MTMR14: variants seen among roughly 807,000 people sequenced by gnomAD.
MTMR14 encodes the protein myotubularin related protein 14.
MTMR14 carries 48 observed loss-of-function variants against 86.3 expected under a neutral mutation model. The ratio of observed to expected loss-of-function variants is 0.56; its 90% CI spans 0.44 to 0.71. The LOEUF is 0.71. Ranked by LOEUF, MTMR14 falls within the 30% of genes least tolerant of loss-of-function variation. The pLI is 0.00. For synonymous variants in MTMR14, 366 were observed against 326.1 expected (o/e 1.12, Z -1.32); for missense variants, 780 against 834.6 (o/e 0.93, Z 0.81).
At chr3:9,697,472 A>G (rs529921913) in intron 17 of MTMR14, among the ~76,000 whole-genome samples, 1 of 151,416 alleles carries the variant, frequency 6.6e-6, no homozygotes, top group Non-Finnish European at 1.5e-5. Flanking sequence ...CTTTGTTCTC[A>G]TTTTTTGCTT....
chr3:9,691,907 G>C (rs1349700954), intron 17 of MTMR14, among the ~76,000 whole-genome samples: 1 of 152,172 alleles, frequency 6.6e-6, no homozygotes, highest in Non-Finnish European at 1.5e-5. Context: ...TGAGGTGTTT[G>C]ATCTTTCCGC....
intron 10 of MTMR14, 90 bp downstream of exon 10, chr3:9,683,334 G>A (rs1045466916): frequency 2.4e-6 from 3 of 1,250,790 alleles, no homozygotes; most frequent in Non-Finnish European, 1.2e-6. Flanking sequence ...TGTTGGAGTT[G>A]CACACCTTAC....
At chr3:9,683,275 C>G in intron 10 of MTMR14, 31 bp downstream of exon 10, 7 of 1,603,514 alleles carry the variant, frequency 4.4e-6, no homozygotes, top group Non-Finnish European at 6.0e-6. Flanking sequence ...GCCCTCGAGC[C>G]ACTGCACCCT....
intron 11 of MTMR14, 97 bp from the exon 12 acceptor site, chr3:9,684,790 CG>C: frequency 2.0e-6 from 3 of 1,537,156 alleles, no homozygotes; most frequent in Non-Finnish European, 2.7e-6. Flanking sequence ...CCTGTCCTTC[CG>C]GGTGTTCTTC....
At chr3:9,699,577 G>A (rs1036169332) in intron 18 of MTMR14, 2 of 152,278 alleles carry the variant, frequency 1.3e-5, no homozygotes, top group African/African-American at 4.8e-5. Context: ...GTATCTTCAA[G>A]TGTCAGCCTT....
intron 17 of MTMR14, among the ~76,000 whole-genome samples, chr3:9,693,895 A>G (rs1005225528): frequency 6.6e-6 from 1 of 152,240 alleles, no homozygotes; most frequent in Non-Finnish European, 1.5e-5. Context: ...GTGGAAAATC[A>G]GTCTTCAGGT....
At chr3:9,690,916 C>T (rs1443216407) in intron 17 of MTMR14, among the ~76,000 whole-genome samples, 13 of 152,196 alleles carry the variant, frequency 8.5e-5, no homozygotes. Context: ...TGAGCTTTGG[C>T]ATCCATCCCA....
intron 3 of MTMR14, among the ~76,000 whole-genome samples, chr3:9,666,242 T>A (rs2048252540): frequency 6.6e-6 from 1 of 151,948 alleles, no homozygotes; most frequent in Non-Finnish European, 1.5e-5. Flanking sequence ...CTAGCGATTC[T>A]TGTGCCTCAG....
chr3:9,684,535 G>C (rs962052848), intron 10 of MTMR14, 50 bp from the exon 11 acceptor site: 5 of 1,581,418 alleles, frequency 3.2e-6, no homozygotes, highest in Non-Finnish European at 4.3e-6. Context: ...CTGCTCATCG[G>C]CCCATGTCTG....
chr3:9,686,957 G>T (rs1004193370), intron 13 of MTMR14, among the ~76,000 whole-genome samples: 17 of 152,350 alleles, frequency 1.1e-4, no homozygotes, highest in Admixed American at 2.6e-4. Flanking sequence ...CCCACCTCAA[G>T]CTTAAGACCT....
At position 9,653,786 on chromosome 3, in the gene MTMR14, C is replaced by G. The variant is rs370205240; in HGVS notation, c.308+17C>G. 2.1e-5 allele frequency: 34 copies of G among 1,613,888 alleles called. No homozygotes were observed. The highest frequency in any genetic ancestry group is 2.2e-5 in the Non-Finnish European group (26 of 1,179,990). ...GAAAGACACGTGAGCATCATGTGAC[C>G]GTAGTGTACATGTCTGGGGAGTCCG... On this transcript the variant is annotated intron_variant, in intron 2 of 18. Coordinates refer to ENST00000296003, the MANE Select transcript of MTMR14 (RefSeq NM_001077525.3).
intron 5 of MTMR14, 43 bp from the exon 6 acceptor site, chr3:9,671,005 G>A: frequency 6.2e-7 from 1 of 1,613,510 alleles, no homozygotes; most frequent in Non-Finnish European, 8.5e-7. Context: ...GCTCCTGTGA[G>A]TGAACATGCC....
chr3:9,659,736 C>G (rs1313235280), intron 2 of MTMR14: 1 of 456,198 alleles, frequency 2.2e-6, no homozygotes, highest in East Asian at 6.9e-5. Flanking sequence ...GCCACTGTGC[C>G]TGGCCAGAAA....
intron 3 of MTMR14, among the ~76,000 whole-genome samples, chr3:9,664,481 G>A (rs192464149): frequency 1.3e-5 from 2 of 151,990 alleles, no homozygotes; most frequent in African/African-American, 4.8e-5. Flanking sequence ...GTTAAGAAAT[G>A]CTTGCTTCCA....
intron 1 of MTMR14, 97 bp from the exon 2 acceptor site, chr3:9,653,524 A>AT: frequency 6.7e-7 from 1 of 1,482,026 alleles, no homozygotes; most frequent in Non-Finnish European, 9.4e-7. Context: ...ACCCAGGTAC[A>AT]TGTCTTTCCC....
chr3:9,681,501 GAAACCCCA>G (rs1188496424), intron 9 of MTMR14, among the ~76,000 whole-genome samples: 3 of 152,202 alleles, frequency 2.0e-5, no homozygotes, highest in Admixed American at 1.3e-4. Context: ...AGTGGTCACA[GAAACCCCA>G]AAGAGAAGAT....
chr3:9,650,428 C>T (rs2047213763), intron 1 of MTMR14: 1 of 454,678 alleles, frequency 2.2e-6, no homozygotes, highest in Non-Finnish European at 4.4e-6. Context: ...ACCCTGCCAT[C>T]TCATTCCCCC....
At chr3:9,649,886 C>G (rs1362427556) in intron 1 of MTMR14, 144 bp downstream of exon 1, 1 of 1,524,346 alleles carries the variant, frequency 6.6e-7, no homozygotes, top group East Asian at 2.5e-5. Flanking sequence ...TCTCCAGGGT[C>G]TGTATCCGGA....
At chr3:9,668,647 G>T in intron 3 of MTMR14, 72 bp from the exon 4 acceptor site, 1 of 1,513,758 alleles carries the variant, frequency 6.6e-7, no homozygotes, top group East Asian at 2.3e-5. Flanking sequence ...AGTCAGAGGA[G>T]TCCCACATGT....
Sources: gnomAD v4.1 joint callset for allele counts (sites outside exome capture counted in the v4.1 genomes callset) on GRCh38, gnomAD v4.1.1 for gene constraint, MANE v1.5 for transcripts, NCBI Gene and HGNC (gene_info 2026-07-23, HGNC 2026-07-21) for gene names.